SLC35D4: variants seen among roughly 807,000 people sequenced by gnomAD.
SLC35D4 encodes the protein UDP-N-acetylglucosamine transporter SLC35D4.
chr18:23,416,135 C>T, the SLC35D4 span, among the ~76,000 whole-genome samples: 2 of 152,116 alleles, frequency 1.3e-5, no homozygotes, highest in African/African-American at 4.8e-5. Context: ...TGCTTGAACC[C>T]GGGAGGCAGA....
chr18:23,267,380 T>G, the SLC35D4 span, among the ~76,000 whole-genome samples: 1 of 152,030 alleles, frequency 6.6e-6, no homozygotes, highest in African/African-American at 2.4e-5. Flanking sequence ...CTCTATAGGC[T>G]CTTCTGAACG....
chr18:23,296,924 T>C, the SLC35D4 span: 1 of 151,478 alleles, frequency 6.6e-6, no homozygotes, highest in Admixed American at 6.6e-5. Flanking sequence ...CCACGAGAAG[T>C]TTAGAGGCAG....
the SLC35D4 span, among the ~76,000 whole-genome samples, chr18:23,344,263 G>C: frequency 6.6e-6 from 1 of 152,128 alleles, no homozygotes; most frequent in Admixed American, 6.5e-5. Flanking sequence ...CCATTGATGG[G>C]CATTTAGGTT....
chr18:23,268,083 G>C, the SLC35D4 span, among the ~76,000 whole-genome samples: 1 of 152,224 alleles, frequency 6.6e-6, no homozygotes, highest in African/African-American at 2.4e-5. Context: ...AGAAAAGAGA[G>C]CAGGCCTTTT....
the SLC35D4 span, among the ~76,000 whole-genome samples, chr18:23,358,998 AT>A: frequency 1.3e-5 from 2 of 152,208 alleles, no homozygotes; most frequent in Non-Finnish European, 2.9e-5. Context: ...CCCCAGCCAC[AT>A]GCAAACTCGA....
At chr18:23,316,123 C>A in the SLC35D4 span, among the ~76,000 whole-genome samples, 1 of 152,212 alleles carries the variant, frequency 6.6e-6, no homozygotes, top group Non-Finnish European at 1.5e-5. Flanking sequence ...CTCTTCTATA[C>A]CCTCCAACTC....
At chr18:23,416,771 AAAG>A in the SLC35D4 span, among the ~76,000 whole-genome samples, 1 of 152,228 alleles carries the variant, frequency 6.6e-6, no homozygotes, top group Non-Finnish European at 1.5e-5. Context: ...TAGGAGCTGA[AAAG>A]AAGATGTGAT....
At chr18:23,278,475 G>A in the SLC35D4 span, among the ~76,000 whole-genome samples, 1 of 152,196 alleles carries the variant, frequency 6.6e-6, no homozygotes, top group South Asian at 2.1e-4. Context: ...ACTAGGAAGT[G>A]TAGTCATCAA....
At chr18:23,325,811 G>A in the SLC35D4 span, among the ~76,000 whole-genome samples, 10 of 152,108 alleles carry the variant, frequency 6.6e-5, no homozygotes, top group Non-Finnish European at 1.3e-4. Flanking sequence ...CAAAAGGAAC[G>A]TCAGCTGCTG....
chr18:23,406,704 A>G, the SLC35D4 span, among the ~76,000 whole-genome samples: 1 of 152,352 alleles, frequency 6.6e-6, no homozygotes, highest in African/African-American at 2.4e-5. Context: ...AGGCTGCTAC[A>G]GTAGAGTTCT....
At chr18:23,429,435 C>A in the SLC35D4 span, among the ~76,000 whole-genome samples, 1 of 152,042 alleles carries the variant, frequency 6.6e-6, no homozygotes, top group Non-Finnish European at 1.5e-5. Flanking sequence ...CAGCTCACTC[C>A]AACCTCCAGC....
chr18:23,268,540 G>A, the SLC35D4 span, among the ~76,000 whole-genome samples: 36 of 152,166 alleles, frequency 2.4e-4, 1 homozygote, highest in South Asian at 6.2e-3. Context: ...CTCCAGTCAA[G>A]GTTCGAGAGT....
chr18:23,364,120 A>G, the SLC35D4 span, among the ~76,000 whole-genome samples: 1 of 152,222 alleles, frequency 6.6e-6, no homozygotes, highest in African/African-American at 2.4e-5. Flanking sequence ...TAAAATACCA[A>G]CTGAAAGAAG....
the SLC35D4 span, among the ~76,000 whole-genome samples, chr18:23,347,517 C>T: frequency 6.6e-6 from 1 of 152,082 alleles, no homozygotes; most frequent in Non-Finnish European, 1.5e-5. Context: ...CTTGACCTCC[C>T]AAGTGATCCT....
the SLC35D4 span, among the ~76,000 whole-genome samples, chr18:23,335,870 C>A: frequency 1.3e-5 from 2 of 152,008 alleles, no homozygotes; most frequent in Admixed American, 6.6e-5. Flanking sequence ...CTAACGGCAC[C>A]CATAAAAACC....
chr18:23,386,527 T>C, the SLC35D4 span, among the ~76,000 whole-genome samples: 2 of 152,130 alleles, frequency 1.3e-5, no homozygotes, highest in Non-Finnish European at 2.9e-5. Context: ...CTATGAAGGA[T>C]ACATTTCTGT....
chr18:23,278,650 C>T, the SLC35D4 span, among the ~76,000 whole-genome samples: 4 of 152,090 alleles, frequency 2.6e-5, 1 homozygote, highest in Non-Finnish European at 2.9e-5. Flanking sequence ...CTAAATGCTA[C>T]GCGTGAAATC....
the SLC35D4 span, among the ~76,000 whole-genome samples, chr18:23,317,828 C>T: frequency 4.6e-5 from 7 of 152,086 alleles, no homozygotes; most frequent in Non-Finnish European, 1.0e-4. Context: ...CAACCTCCGC[C>T]TCCACGGTTC....
At chr18:23,386,722 C>CA in the SLC35D4 span, among the ~76,000 whole-genome samples, 30,624 of 108,242 alleles carry the variant, frequency 0.28, 4,506 homozygotes, top group Non-Finnish European at 0.37. Context: ...AAACTCTCAC[C>CA]AAAAAAAAAA....
Sources: gnomAD v4.1 joint callset for allele counts (sites outside exome capture counted in the v4.1 genomes callset) on GRCh38, gnomAD v4.1.1 for gene constraint, MANE v1.5 for transcripts, NCBI Gene and HGNC (gene_info 2026-07-23, HGNC 2026-07-21) for gene names.